POFUT1: variants seen among roughly 807,000 people sequenced by gnomAD.
POFUT1 encodes GDP-fucose protein O-fucosyltransferase 1.
In POFUT1, 16 loss-of-function variants were observed where a neutral mutation model predicts 42.4. The observed-to-expected ratio is 0.38, with a 90% CI of 0.26 to 0.57. The LOEUF is 0.57. Ranked by LOEUF, POFUT1 falls within the 20% of genes least tolerant of loss-of-function variation. The probability of loss-of-function intolerance (pLI) is 0.71; values close to 1 mark genes in which losing one functional copy is unlikely to be tolerated. For missense variants in POFUT1, 470 were observed against 504.6 expected, an observed-to-expected ratio of 0.93 and a Z score of 0.66; for synonymous variants, 206 against 205.4, an observed-to-expected ratio of 1.00 and a Z score of -0.03.
intron 5 of POFUT1, among the ~76,000 whole-genome samples, chr20:32,228,988 T>G (rs1440219694): frequency 1.3e-5 from 2 of 152,206 alleles, no homozygotes; most frequent in Non-Finnish European, 2.9e-5. Flanking sequence ...ATGTTAGAAA[T>G]GCTCATTGCA....
At position 32,237,479 on chromosome 20, in the gene POFUT1, C is replaced by T. The variant is rs565157842; in HGVS notation, c.*2818C>T. On this transcript the variant is annotated 3_prime_UTR_variant, in exon 7 of 7. Coordinates refer to ENST00000375749, the MANE Select transcript of POFUT1 (RefSeq NM_015352.2). ...CACATTCCTGGCAGAGAAAACAGCA[C>T]GTGCAAAGGCCCCGAGACTGGAGTG... The T allele has an allele frequency of 6.5e-5, 13 of 198,776 alleles. No individual in the cohort carries two copies. In the East Asian group the frequency reaches 6.9e-4, roughly 11 times the overall value. The allele number at this position is 198,776 out of a possible 1,614,324, so 12.3% of individuals were successfully genotyped here.
intron 2 of POFUT1, among the ~76,000 whole-genome samples, chr20:32,214,574 G>A (rs1457349630): frequency 6.6e-6 from 1 of 152,232 alleles, no homozygotes; most frequent in African/African-American, 2.4e-5. Flanking sequence ...TCATGAGTGA[G>A]AAGTAATTGA....
At chr20:32,209,635 A>T (rs1001528768) in intron 1 of POFUT1, among the ~76,000 whole-genome samples, 7 of 152,352 alleles carry the variant, frequency 4.6e-5, no homozygotes, top group Non-Finnish European at 8.8e-5. Flanking sequence ...ACTTGAGGAA[A>T]ATTGAAGAAC....
At chr20:32,224,431 G>A (rs1345750322) in intron 4 of POFUT1, among the ~76,000 whole-genome samples, 2 of 152,080 alleles carry the variant, frequency 1.3e-5, no homozygotes, top group African/African-American at 2.4e-5. Context: ...AGCAAGATAA[G>A]TGTCGCACAG....
chr20:32,233,465 A>T (rs2047453253), intron 6 of POFUT1, among the ~76,000 whole-genome samples: 2 of 152,192 alleles, frequency 1.3e-5, no homozygotes, highest in South Asian at 2.1e-4. Context: ...AGGACCTTGT[A>T]GGCCACGTTC....
intron 4 of POFUT1, 191 bp downstream of exon 4, chr20:32,216,912 G>T: frequency 6.4e-7 from 1 of 1,570,044 alleles, no homozygotes; most frequent in South Asian, 1.2e-5. Flanking sequence ...GTGGAACATT[G>T]ACCCGCCATG....
chr20:32,237,328 G>C lies in POFUT1; in HGVS notation c.*2667G>C, dbSNP rs2047476401. ...AAGTAGAAGATGTAATAAATGTACT[G>C]TGGGACATGTTAATAAGTGCTATAA... On this transcript the variant is annotated 3_prime_UTR_variant, in exon 7 of 7. Coordinates refer to ENST00000375749, the MANE Select transcript of POFUT1 (RefSeq NM_015352.2). 1 of 157,628 alleles carries C rather than the reference G, an allele frequency of 6.3e-6. No individual in the cohort carries two copies. Among genetic ancestry groups the C allele is most frequent in the Non-Finnish European group, 1.4e-5 (1 of 70,896 alleles). The allele number at this position is 157,628 out of a possible 1,614,324, so 9.8% of individuals were successfully genotyped here.
intron 4 of POFUT1, chr20:32,222,701 G>T: frequency 1.0e-6 from 1 of 985,422 alleles, no homozygotes; most frequent in Non-Finnish European, 1.2e-6. Context: ...TCTTTACCAC[G>T]TGATTTCTGA....
chr20:32,217,880 G>A (rs1336495782), intron 4 of POFUT1: 3 of 249,296 alleles, frequency 1.2e-5, no homozygotes, highest in Non-Finnish European at 1.3e-5. Flanking sequence ...GGACAGCTCA[G>A]GTCTGTTTGT....
intron 2 of POFUT1, among the ~76,000 whole-genome samples, chr20:32,215,058 T>C (rs2047351464): frequency 6.6e-6 from 1 of 152,144 alleles, no homozygotes; most frequent in Non-Finnish European, 1.5e-5. Context: ...CAGCTAATTT[T>C]CTTGTATTTT....
intron 6 of POFUT1, chr20:32,231,424 C>T (rs2047443240): frequency 6.6e-6 from 2 of 301,796 alleles, no homozygotes; most frequent in Admixed American, 4.7e-5. Flanking sequence ...GTTAACATTC[C>T]TTGATGTCTA....
chr20:32,211,054 G>T (rs2047325196), intron 2 of POFUT1, among the ~76,000 whole-genome samples: 1 of 152,074 alleles, frequency 6.6e-6, no homozygotes, highest in Non-Finnish European at 1.5e-5. Context: ...GCCTGGACAG[G>T]GTACTTTACC....
At chr20:32,234,377 C>A (rs1247264252) in intron 6 of POFUT1, 96 bp from the exon 7 acceptor site, 2 of 1,145,600 alleles carry the variant, frequency 1.7e-6, no homozygotes, top group Non-Finnish European at 2.5e-6. Flanking sequence ...CCTTTTGTGT[C>A]TGTAACTGCA....
intron 4 of POFUT1, among the ~76,000 whole-genome samples, chr20:32,225,930 G>A: frequency 6.6e-6 from 1 of 152,196 alleles, no homozygotes; most frequent in East Asian, 1.9e-4. Context: ...GTCAACATTG[G>A]AACAAAGCAT....
At chr20:32,215,010 C>T (rs561388814) in intron 2 of POFUT1, among the ~76,000 whole-genome samples, 34 of 152,128 alleles carry the variant, frequency 2.2e-4, no homozygotes, top group Non-Finnish European at 4.4e-4. Context: ...ACCTCAGTCT[C>T]CCCAGTAGCT....
intron 6 of POFUT1, 112 bp downstream of exon 6, chr20:32,231,173 ACC>A: frequency 8.4e-7 from 1 of 1,190,502 alleles, no homozygotes; most frequent in Non-Finnish European, 1.2e-6. Flanking sequence ...TTTTGCCTGG[ACC>A]TACCATTCCT....
rs373553602 is a variant in POFUT1, at chr20:32,210,316, GA to G, written c.246+126del. The G allele has an allele frequency of 3.4e-4, 325 of 960,470 alleles. 4 individuals are homozygous for G. The highest frequency in any genetic ancestry group is 3.4e-3 in the South Asian group (239 of 71,284). 59.5% of individuals were successfully genotyped at this position (960,470 alleles called of 1,614,324 possible). On this transcript the variant is annotated intron_variant, in intron 2 of 6. Coordinates refer to ENST00000375749, the MANE Select transcript of POFUT1 (RefSeq NM_015352.2). ...TCTGAGATTTCCCTACCTCCAGCCA[GA>G]ACTGTCTTCACTGCAATAACAATGC...
chr20:32,234,513 A>G lies in POFUT1; in HGVS notation c.1019A>G (p.Asp340Gly), dbSNP rs1347822838. 6.2e-7 allele frequency: 1 copy of G among 1,613,446 alleles called. No homozygotes were observed. Among genetic ancestry groups the G allele is most frequent in the African/African-American group, 1.3e-5 (1 of 75,030 alleles). The change falls in exon 7 of 7, where the codon GAC (aspartate) becomes GGC (glycine). Residue 340 changes from aspartate to glycine, a missense_variant. Physicochemically the swap from Asp to Gly is moderately conservative, Grantham distance 94. Coordinates refer to ENST00000375749, the MANE Select transcript of POFUT1 (RefSeq NM_015352.2). ...CTGAAGCCTGAGGTGGCCCAGGTCG[A>G]CCTGTACATCCTCGGCCAAGCCGAC... ...VSLKPEVAQV[D>G]LYILGQADHF... is the part of the protein sequence containing the mutation.
Position 32,228,463 on chromosome 20 carries a change from C to T in POFUT1, c.735+8C>T, listed in dbSNP as rs745952232. ...CGCATTGGCTCTGACTGGGTAACTT[C>T]CCCCTTCCTCTCTCACTGGCTAACT... On this transcript the variant is annotated splice_region_variant and intron_variant, in intron 5 of 6. Transcript: ENST00000375749. The T allele has an allele frequency of 2.5e-6, 4 of 1,611,946 alleles. No individual in the cohort carries two copies. Among genetic ancestry groups the T allele is most frequent in the Non-Finnish European group, 3.4e-6 (4 of 1,178,476 alleles).
Sources: gnomAD v4.1 joint callset for allele counts (sites outside exome capture counted in the v4.1 genomes callset) on GRCh38, gnomAD v4.1.1 for gene constraint, MANE v1.5 for transcripts, NCBI Gene and HGNC (gene_info 2026-07-23, HGNC 2026-07-21) for gene names.